Variants in TBC1D22A observed in about 807,000 individuals in gnomAD.
TBC1D22A encodes putative GTPase activator.
Under a neutral mutation model 60.2 loss-of-function variants are expected in TBC1D22A, and 38 were observed. The ratio of observed to expected loss-of-function variants is 0.63; its 90% CI spans 0.49 to 0.83. The LOEUF (loss-of-function observed/expected upper bound fraction) is 0.83. Ranked by LOEUF, TBC1D22A falls within the 40% of genes least tolerant of loss-of-function variation. The pLI, the probability that TBC1D22A is intolerant of heterozygous loss-of-function variation, is 0.00. For missense variants in TBC1D22A, 628 were observed against 701.0 expected (o/e 0.90, Z 1.18); for synonymous variants, 302 against 281.7 (o/e 1.07, Z -0.72).
rs184952925 is a variant in TBC1D22A, at chr22:46,886,053, G to A, written c.709-5213G>A. 9.0e-4 allele frequency among the ~76,000 whole-genome samples: 136 copies of A among 151,794 alleles called. 1 individual carries two copies. The highest frequency in any genetic ancestry group is 1.4e-3 in the Non-Finnish European group (96 of 67,934). ...TTCCCGAGTAGCTGGGACTACAGGCGCCTGCCACCACGCCTGGCTAATTTT... is the reference window on the plus strand; with the variant it reads ...TTCCCGAGTAGCTGGGACTACAGGCACCTGCCACCACGCCTGGCTAATTTT... On this transcript the variant is annotated intron_variant, in intron 5 of 12. Transcript: ENST00000337137.
chr22:46,911,555 G>T (rs1482450912), intron 7 of TBC1D22A, among the ~76,000 whole-genome samples: 1 of 152,202 alleles, frequency 6.6e-6, no homozygotes, highest in Non-Finnish European at 1.5e-5. Flanking sequence ...GACGGACTGA[G>T]CCAGGGGCTG....
chr22:46,886,258 T>G (rs934258783), intron 5 of TBC1D22A, among the ~76,000 whole-genome samples: 1 of 152,218 alleles, frequency 6.6e-6, no homozygotes, highest in African/African-American at 2.4e-5. Context: ...TTTCCTCATT[T>G]TATGGGAAAA....
At chr22:47,156,468 G>A (rs959528817) in intron 12 of TBC1D22A, among the ~76,000 whole-genome samples, 5 of 152,170 alleles carry the variant, frequency 3.3e-5, no homozygotes, top group East Asian at 3.9e-4. Context: ...TTGAGCGGCC[G>A]TCTCCTCCCT....
At position 47,111,504 on chromosome 22, in the gene TBC1D22A, T is replaced by C. The variant is rs1185134195; in HGVS notation, c.1330-4T>C. On this transcript the variant is annotated splice_region_variant and splice_polypyrimidine_tract_variant and intron_variant, in intron 11 of 12. Coordinates refer to ENST00000337137, the MANE Select transcript of TBC1D22A (RefSeq NM_014346.5). ...TTCTCTCTTGGTTATTTTTTCTCTT[T>C]TAGTCTGAACCGGACGGCTTTTCTC... 6.2e-7 allele frequency: 1 copy of C among 1,612,304 alleles called. No homozygotes were observed.
At chr22:46,825,882 C>CT (rs1336086927) in intron 4 of TBC1D22A, among the ~76,000 whole-genome samples, 1 of 140,398 alleles carries the variant, frequency 7.1e-6, no homozygotes, top group Non-Finnish European at 1.6e-5. Context: ...CTGTGGTGGT[C>CT]TTCTTTTTTT....
At chr22:46,783,661 A>G (rs1433201926) in intron 1 of TBC1D22A, among the ~76,000 whole-genome samples, 1 of 152,064 alleles carries the variant, frequency 6.6e-6, no homozygotes, top group Non-Finnish European at 1.5e-5. Context: ...AAATTTTTTT[A>G]AAGGATGCCA....
intron 8 of TBC1D22A, among the ~76,000 whole-genome samples, chr22:46,936,386 C>A (rs2071658132): frequency 6.6e-6 from 1 of 152,166 alleles, no homozygotes; most frequent in African/African-American, 2.4e-5. Flanking sequence ...TGGCTCCCCG[C>A]ACAGCCTCCC....
At chr22:47,132,925 A>C (rs910088385) in intron 12 of TBC1D22A, among the ~76,000 whole-genome samples, 5 of 152,268 alleles carry the variant, frequency 3.3e-5, no homozygotes, top group Non-Finnish European at 5.9e-5. Flanking sequence ...TGGGGTGGAC[A>C]TGGAGTTCAT....
intron 10 of TBC1D22A, among the ~76,000 whole-genome samples, chr22:47,030,118 C>G (rs116618093): frequency 0.013 from 1,935 of 152,316 alleles, 41 homozygotes; most frequent in African/African-American, 0.043. Context: ...GTGGCTCTTG[C>G]TTTTGTTCTT....
At chr22:46,906,825 T>C (rs1049051320) in intron 7 of TBC1D22A, among the ~76,000 whole-genome samples, 5 of 129,256 alleles carry the variant, frequency 3.9e-5, no homozygotes, top group Non-Finnish European at 7.8e-5. Flanking sequence ...TCTAGGTGCA[T>C]GTGTGTGTGT....
At chr22:46,922,441 G>GT (rs1024742129) in intron 8 of TBC1D22A, among the ~76,000 whole-genome samples, 13 of 151,994 alleles carry the variant, frequency 8.6e-5, no homozygotes, top group East Asian at 1.9e-4. Context: ...TTTTAAAATA[G>GT]TTTTTTTTCC....
intron 11 of TBC1D22A, among the ~76,000 whole-genome samples, chr22:47,107,087 A>G (rs2065663206): frequency 6.6e-6 from 1 of 152,230 alleles, no homozygotes; most frequent in African/African-American, 2.4e-5. Context: ...AGGAGGATAA[A>G]GATAACAATT....
chr22:47,023,304 G>A (rs1404736889), intron 10 of TBC1D22A, among the ~76,000 whole-genome samples: 2 of 152,126 alleles, frequency 1.3e-5, no homozygotes, highest in African/African-American at 4.8e-5. Flanking sequence ...TGCCAACACA[G>A]CAATAGAAAC....
Position 47,088,964 on chromosome 22 carries a change from G to T in TBC1D22A, c.1330-22544G>T, listed in dbSNP as rs572350410. On this transcript the variant is annotated intron_variant, in intron 11 of 12. Transcript: ENST00000337137. Reference sequence around the variant, plus strand: ...CTGCTTGCAGGGAGTACCAGGGAAGGGGGAAACGGATGGAACTCAGCAGGG... The same window carrying T: ...CTGCTTGCAGGGAGTACCAGGGAAGTGGGAAACGGATGGAACTCAGCAGGG... Among the ~76,000 whole-genome samples the T allele has an allele frequency of 9.9e-5, 15 of 152,278 alleles. No individual in the cohort carries two copies. The Middle Eastern group carries it at 0.01, about 104-fold the overall frequency.
At chr22:47,032,366 G>C (rs1247798541) in intron 10 of TBC1D22A, among the ~76,000 whole-genome samples, 1 of 152,230 alleles carries the variant, frequency 6.6e-6, no homozygotes, top group East Asian at 1.9e-4. Context: ...TCACAGTCTA[G>C]AGGATAAGAC....
At chr22:47,121,795 G>A (rs1052221663) in intron 12 of TBC1D22A, among the ~76,000 whole-genome samples, 3 of 152,100 alleles carry the variant, frequency 2.0e-5, no homozygotes, top group Non-Finnish European at 4.4e-5. Context: ...CCCACGTTAA[G>A]GATGGTTGTG....
chr22:47,127,867 C>G (rs2066521096), intron 12 of TBC1D22A, among the ~76,000 whole-genome samples: 1 of 151,318 alleles, frequency 6.6e-6, no homozygotes. Context: ...TTCGCCTTCT[C>G]ACCTGAGCCA....
intron 2 of TBC1D22A, chr22:46,792,907 G>T: frequency 1.4e-6 from 2 of 1,391,166 alleles, no homozygotes; most frequent in Non-Finnish European, 1.9e-6. Context: ...CCTCCTTCCC[G>T]CATTCTCCAC....
intron 3 of TBC1D22A, among the ~76,000 whole-genome samples, chr22:46,795,953 G>A (rs2084631615): frequency 6.6e-6 from 1 of 152,218 alleles, no homozygotes; most frequent in Non-Finnish European, 1.5e-5. Flanking sequence ...GGGAGAGGGG[G>A]CACTGTCACC....
Sources: gnomAD v4.1 joint callset for allele counts (sites outside exome capture counted in the v4.1 genomes callset) on GRCh38, gnomAD v4.1.1 for gene constraint, MANE v1.5 for transcripts, NCBI Gene and HGNC (gene_info 2026-07-23, HGNC 2026-07-21) for gene names.